The following SNX29 variants were observed in gnomAD, a reference collection of about 807,000 sequenced individuals.
The protein encoded by SNX29 is sorting nexin 29, also known as sorting nexin-29.
SNX29 carries 78 observed loss-of-function variants against 102.1 expected under a neutral mutation model. The observed-to-expected ratio is 0.76, with a 90% CI of 0.64 to 0.92. The LOEUF is 0.92. SNX29 is among the 40% of genes least tolerant of loss of function. SNX29 has a pLI of 0.00. For synonymous variants in SNX29, 580 were observed against 414.5 expected, an observed-to-expected ratio of 1.40 and a Z score of -4.85; for missense variants, 1,280 against 1,061.7, an observed-to-expected ratio of 1.21 and a Z score of -2.86.
Position 12,059,758 on chromosome 16 carries a change from A to G in SNX29, c.1125-1770A>G, listed in dbSNP as rs548121235. On this transcript the variant is annotated intron_variant, in intron 8 of 20. Transcript: ENST00000566228. ...GCCTGAAATATGTACTCTCTGGTCT[A>G]TTACAGAAAATATTTGTTGATTTTA... Among the ~76,000 whole-genome samples, 8 of 152,312 alleles carry G rather than the reference A, an allele frequency of 5.3e-5. No individual in the cohort carries two copies. In the South Asian group the frequency reaches 6.2e-4, roughly 12 times the overall value.
In SNX29 at chr16:11,985,073, C is replaced by T. The variant is rs146206993; in HGVS notation, c.7+8260C>T. 1.9e-4 allele frequency among the ~76,000 whole-genome samples: 29 copies of T among 152,118 alleles called. No homozygotes were observed. In the East Asian group the frequency reaches 5.4e-3, roughly 28 times the overall value. ...GGAGATTTTCCAAAAGTAGCATTAA[C>T]ATCGAAGAGTTTATCACTTTTGATT... On this transcript the variant is annotated intron_variant, in intron 1 of 20. Transcript: ENST00000566228.
At chr16:12,095,564 C>T (rs374434986) in intron 11 of SNX29, among the ~76,000 whole-genome samples, 1 of 152,198 alleles carries the variant, frequency 6.6e-6, no homozygotes, top group South Asian at 2.1e-4. Flanking sequence ...ATAGCACAGT[C>T]ATGCATTGCC....
In SNX29 at chr16:12,571,335, T is replaced by G. The variant is rs2079183273; in HGVS notation, c.*2706T>G. 1 of 231,440 alleles carries G rather than the reference T, an allele frequency of 4.3e-6. No homozygotes were observed. The allele number at this position is 231,440 out of a possible 1,614,324, so 14.3% of individuals were successfully genotyped here. A position where few individuals can be genotyped will look rare whatever the true frequency, so the allele number is the denominator to read the frequency against. The stretch of plus-strand genomic sequence containing the variant: ...CAACTGCCTGTCAGCCTGGATTCAA[T>G]TCTGAGGGCTAAGCCACGACCTTAT... On this transcript the variant is annotated 3_prime_UTR_variant, in exon 21 of 21. Transcript: ENST00000566228.
intron 11 of SNX29, chr16:12,088,019 C>T (rs949477733): frequency 2.2e-6 from 1 of 456,716 alleles, no homozygotes; most frequent in East Asian, 7.0e-5. Flanking sequence ...GGTATGAGCA[C>T]TGCCCTGTCT....
intron 18 of SNX29, among the ~76,000 whole-genome samples, chr16:12,457,555 A>G (rs1011673397): frequency 1.1e-4 from 17 of 152,202 alleles, no homozygotes; most frequent in Non-Finnish European, 5.9e-5. Context: ...GGAAGAACAC[A>G]GATTAGGTGG....
At chr16:12,513,126 G>A (rs1388989357) in intron 19 of SNX29, among the ~76,000 whole-genome samples, 1 of 150,764 alleles carries the variant, frequency 6.6e-6, no homozygotes, top group Non-Finnish European at 1.5e-5. Flanking sequence ...TCTCCTCTCT[G>A]ACCCTGCCCT....
At chr16:12,555,239 TGA>T (rs920365147) in intron 20 of SNX29, among the ~76,000 whole-genome samples, 12 of 150,578 alleles carry the variant, frequency 8.0e-5, no homozygotes, top group African/African-American at 2.0e-4. Flanking sequence ...GAAATGGAGG[TGA>T]GAGATGAGGG....
intron 3 of SNX29, among the ~76,000 whole-genome samples, chr16:12,016,011 C>G (rs895481197): frequency 2.6e-4 from 39 of 151,948 alleles, no homozygotes; most frequent in Non-Finnish European, 4.6e-4. Context: ...ATTACAGGCG[C>G]CCGCCACCAC....
intron 15 of SNX29, among the ~76,000 whole-genome samples, chr16:12,279,126 A>C (rs896344489): frequency 6.6e-6 from 1 of 152,230 alleles, no homozygotes; most frequent in Non-Finnish European, 1.5e-5. Context: ...ATGTACATAC[A>C]TACACATGCT....
At position 12,334,231 on chromosome 16, in the gene SNX29, T is replaced by C. The variant is rs952863135; in HGVS notation, c.1783-21932T>C. Among the ~76,000 whole-genome samples, 10 of 152,270 alleles carry C rather than the reference T, an allele frequency of 6.6e-5. No homozygotes were observed. The East Asian group carries it at 1.7e-3, about 26-fold the overall frequency. ...CTGGAGATCTTTGGGATGGCATGTT[T>C]TGAAACAAAGCACACCGCCAAGGAA... On this transcript the variant is annotated intron_variant, in intron 15 of 20. Coordinates refer to ENST00000566228, the MANE Select transcript of SNX29 (RefSeq NM_032167.5).
chr16:12,057,103 T>G (rs1012768463), intron 8 of SNX29, among the ~76,000 whole-genome samples: 3 of 152,206 alleles, frequency 2.0e-5, no homozygotes. Context: ...CATGGGTCAC[T>G]GAGCCAGGCC....
intron 19 of SNX29, among the ~76,000 whole-genome samples, chr16:12,490,005 C>T (rs2088462212): frequency 6.6e-6 from 1 of 152,122 alleles, no homozygotes; most frequent in African/African-American, 2.4e-5. Context: ...GGGGTTTCTC[C>T]ATGTTGGCCA....
At chr16:12,239,682 G>C (rs1366659852) in intron 14 of SNX29, among the ~76,000 whole-genome samples, 1 of 148,124 alleles carries the variant, frequency 6.8e-6, no homozygotes, top group Non-Finnish European at 1.5e-5. Context: ...AGTCCGGTGT[G>C]GTGATGTGCA....
At chr16:12,356,601 G>A (rs999104066) in intron 16 of SNX29, among the ~76,000 whole-genome samples, 1 of 152,152 alleles carries the variant, frequency 6.6e-6, no homozygotes, top group Admixed American at 6.5e-5. Flanking sequence ...AACAGTCTTG[G>A]TTTTGTGTTG....
chr16:11,995,644 C>G (rs1452439682), intron 1 of SNX29, among the ~76,000 whole-genome samples: 1 of 132,966 alleles, frequency 7.5e-6, no homozygotes, highest in African/African-American at 3.0e-5. Context: ...GCAAAATACT[C>G]TTAAAAAAAA....
At chr16:12,360,178 T>C (rs1448753815) in intron 16 of SNX29, among the ~76,000 whole-genome samples, 1 of 152,224 alleles carries the variant, frequency 6.6e-6, no homozygotes, top group African/African-American at 2.4e-5. Context: ...CAGTCAGTGT[T>C]CAATATTCTC....
At chr16:12,485,706 GC>G (rs1297071628) in intron 19 of SNX29, among the ~76,000 whole-genome samples, 1 of 152,186 alleles carries the variant, frequency 6.6e-6, no homozygotes, top group Non-Finnish European at 1.5e-5. Flanking sequence ...GGCATTGAAG[GC>G]GAATTAAGGT....
rs570519117 is a variant in SNX29 at position 12,262,465 on chromosome 16, G to A, written c.1679-15468G>A. Among the ~76,000 whole-genome samples, 4 of 152,318 alleles carry A rather than the reference G, an allele frequency of 2.6e-5. No individual in the cohort carries two copies. In the South Asian group the frequency reaches 8.3e-4, roughly 32 times the overall value. Reference sequence around the variant, plus strand: ...AGAGACAGGCACGAGGCTGTAGATGGTGGTGTTATTTGAATTGGGATCAAT... The same window carrying A: ...AGAGACAGGCACGAGGCTGTAGATGATGGTGTTATTTGAATTGGGATCAAT... On this transcript the variant is annotated intron_variant, in intron 14 of 20. Transcript: ENST00000566228.
chr16:12,006,065 G>A (rs1239648729), intron 3 of SNX29, among the ~76,000 whole-genome samples: 1 of 152,016 alleles, frequency 6.6e-6, no homozygotes, highest in African/African-American at 2.4e-5. Flanking sequence ...TAGGCCAGGC[G>A]CTGTGGCTCA....
Sources: allele counts gnomAD v4.1 joint callset (sites outside exome capture counted in the v4.1 genomes callset), GRCh38; gene constraint gnomAD v4.1.1; transcripts MANE v1.5; gene names NCBI Gene and HGNC (gene_info 2026-07-23, HGNC 2026-07-21).